The following ETV3 variants were observed in gnomAD, a reference collection of about 807,000 sequenced individuals.
ETV3 encodes the protein ETS variant transcription factor 3, also known as ETS translocation variant 3.
Under a neutral mutation model 33.0 loss-of-function variants are expected in ETV3, and 8 were observed. The observed-to-expected ratio is 0.24, with a 90% CI of 0.14 to 0.44. The LOEUF is 0.44. Among genes scored for constraint, ETV3 ranks in the 20% least tolerant of loss-of-function variants. ETV3 has a pLI of 1.00. For missense variants in ETV3, 473 were observed against 652.3 expected (o/e 0.73, Z 2.99); for synonymous variants, 222 against 238.9 (o/e 0.93, Z 0.65).
chr1:157,134,557 A>G (rs1449837085), intron 3 of ETV3, among the ~76,000 whole-genome samples: 1 of 152,208 alleles, frequency 6.6e-6, no homozygotes, highest in African/African-American at 2.4e-5. Context: ...GTTGCACTGC[A>G]TGTCACTAAC....
At chr1:157,134,523 G>T (rs932545005) in intron 3 of ETV3, among the ~76,000 whole-genome samples, 2 of 152,110 alleles carry the variant, frequency 1.3e-5, no homozygotes, top group Non-Finnish European at 2.9e-5. Context: ...CTACAATTTC[G>T]ATTCTACAGT....
intron 4 of ETV3, among the ~76,000 whole-genome samples, 153 bp from the exon 5 acceptor site, chr1:157,126,132 C>T (rs1482522632): frequency 6.6e-6 from 1 of 152,254 alleles, no homozygotes; most frequent in Non-Finnish European, 1.5e-5. Context: ...CTAGTAACTA[C>T]TGCTCAGCTG....
In ETV3 at chr1:157,125,290, C is replaced by G; in HGVS notation, c.1090G>C (p.Glu364Gln). ...GTGGGCGTGGTGACTGGTGCTGACT[C>G]CTCGCTGCTCTCAACCCTCTCCCGG... ...KNRERVESSE[E>Q]SAPVTTPTMA... The change falls in exon 5 of 5, where the codon GAG becomes CAG. Residue 364 changes from glutamate (E) to glutamine (Q), a missense_variant. This residue lies in a region of ETV3 where 410 missense variants were observed against 520.2 expected (regional missense o/e 0.79). Transcript: ENST00000368192. The surrounding 1 kb of genome is among the most constrained non-coding windows in gnomAD (Gnocchi z 4.0). The G allele has an allele frequency of 1.3e-6, 2 of 1,552,068 alleles. No homozygotes were observed. The highest frequency in any genetic ancestry group is 1.7e-6 in the Non-Finnish European group (2 of 1,147,098).
chr1:157,134,797 T>C (rs1204036624), intron 3 of ETV3, among the ~76,000 whole-genome samples: 1 of 152,224 alleles, frequency 6.6e-6, no homozygotes, highest in African/African-American at 2.4e-5. Flanking sequence ...GCAAAGCCAC[T>C]GTACAGAGTT....
intron 1 of ETV3, among the ~76,000 whole-genome samples, chr1:157,138,079 C>A (rs987338858): frequency 6.6e-6 from 1 of 152,186 alleles, no homozygotes; most frequent in Non-Finnish European, 1.5e-5. Context: ...CCGGGCCGGG[C>A]TTCCCTTAAC....
In ETV3 at chr1:157,122,622, C is replaced by A. The variant is rs919231318; in HGVS notation, c.*2219G>T. 6.6e-6 allele frequency: 1 copy of A among 152,134 alleles called. No individual in the cohort carries two copies. The highest frequency in any genetic ancestry group is 1.5e-5 in the Non-Finnish European group (1 of 68,042). 9.4% of individuals were successfully genotyped at this position (152,134 alleles called of 1,614,324 possible). On this transcript the variant is annotated 3_prime_UTR_variant, in exon 5 of 5. Transcript: ENST00000368192. ...TCGTATTTAAAAAGGCCTCGTGTTTCTATTCCTGAGTTCATACCAACACCT... is the reference window on the plus strand; with the variant it reads ...TCGTATTTAAAAAGGCCTCGTGTTTATATTCCTGAGTTCATACCAACACCT...
chr1:157,135,280 A>AAAAG, intron 3 of ETV3, 191 bp downstream of exon 3: 2 of 684,020 alleles, frequency 2.9e-6, no homozygotes, highest in Non-Finnish European at 4.9e-6. Flanking sequence ...ATAACCAAAG[A>AAAAG]TATGCCTTTT....
chr1:157,134,324 T>C, intron 3 of ETV3, 97 bp from the exon 4 acceptor site: 1 of 1,466,666 alleles, frequency 6.8e-7, no homozygotes, highest in Non-Finnish European at 9.0e-7. Context: ...TTGCTCTGAG[T>C]ATTACTTACA....
chr1:157,128,718 C>T (rs1398520340), intron 4 of ETV3: 1 of 162,686 alleles, frequency 6.1e-6, no homozygotes, highest in East Asian at 1.8e-4. Flanking sequence ...TGCCTCATGA[C>T]TTTTTTATGT....
At chr1:157,128,675 T>A in intron 4 of ETV3, 1 of 187,214 alleles carries the variant, frequency 5.3e-6, no homozygotes, top group Non-Finnish European at 1.2e-5. Context: ...TGGATAATAA[T>A]TGGACACTGC....
At chr1:157,132,070 C>G (rs964626201) in intron 4 of ETV3, among the ~76,000 whole-genome samples, 1 of 152,216 alleles carries the variant, frequency 6.6e-6, no homozygotes, top group African/African-American at 2.4e-5. Context: ...TCAAGTGATT[C>G]TCCTGCCTTG....
chr1:157,137,507 AAAACACAC>A (rs1675145471), intron 1 of ETV3, among the ~76,000 whole-genome samples: 1 of 107,518 alleles, frequency 9.3e-6, no homozygotes, highest in African/African-American at 4.5e-5. Flanking sequence ...CAGACAAGGA[AAAACACAC>A]ACACACACAC....
intron 4 of ETV3, among the ~76,000 whole-genome samples, chr1:157,128,942 A>C (rs542331659): frequency 5.3e-5 from 8 of 152,354 alleles, no homozygotes; most frequent in Admixed American, 3.9e-4. Flanking sequence ...GTAATGTTCA[A>C]CTTTTCACAA....
In ETV3 at chr1:157,135,727, A is replaced by C; in HGVS notation, c.47-19T>G. 6.2e-7 allele frequency: 1 copy of C among 1,612,788 alleles called. No individual in the cohort carries two copies. Among genetic ancestry groups the C allele is most frequent in the Non-Finnish European group, 8.5e-7 (1 of 1,178,824 alleles). The stretch of plus-strand genomic sequence containing the variant: ...TGATACCCTTTCATGTGAGAAGGTC[A>C]AGATTAAGCTAGTTAAGAGGTAGGT... On this transcript the variant is annotated intron_variant, in intron 2 of 4. Transcript: ENST00000368192.
Position 157,125,999 on chromosome 1 carries a change from A to C in ETV3, c.401-20T>G. 6.6e-7 allele frequency: 1 copy of C among 1,518,416 alleles called. No individual in the cohort carries two copies. The highest frequency in any genetic ancestry group is 8.8e-7 in the Non-Finnish European group (1 of 1,133,488). 94.1% of individuals were successfully genotyped at this position (1,518,416 alleles called of 1,614,324 possible). The stretch of plus-strand genomic sequence containing the variant: ...CCACACCTGTGATGGTGGAAAATAC[A>C]AAAGCCTGCATCAGAGGACTGCTCA... On this transcript the variant is annotated intron_variant, in intron 4 of 4. Transcript: ENST00000368192. This position sits in a 1 kb window ranked among gnomAD's most constrained non-coding sequence, Gnocchi z 4.0.
chr1:157,134,999 G>A (rs1675063918), intron 3 of ETV3: 1 of 178,532 alleles, frequency 5.6e-6, no homozygotes, highest in South Asian at 1.2e-4. Flanking sequence ...GCAGGCTATG[G>A]ACAACCTGAG....
chr1:157,125,565 G>A lies in ETV3; in HGVS notation c.815C>T (p.Thr272Ile), dbSNP rs935325741. Residue 272 changes from threonine (T) to isoleucine (I), a missense_variant, in exon 5 of 5, where the codon ACC becomes ATC. Thr to Ile is a moderately conservative substitution (Grantham distance 89, BLOSUM62 -1). This residue lies in a region of ETV3 where 410 missense variants were observed against 520.2 expected (regional missense o/e 0.79). Transcript: ENST00000368192. This position sits in a 1 kb window ranked among gnomAD's most constrained non-coding sequence, Gnocchi z 4.0. ...PISPALSLTPTIFSYSPSPGL... is the reference protein window; with the variant it reads ...PISPALSLTPIIFSYSPSPGL... ...TGGTGATGGGCTATAGGAGAAGATG[G>A]TGGGAGTCAGGGAGAGGGCTGGTGA... is the stretch of plus-strand genomic sequence containing the variant. 2 of 1,551,814 alleles carry A rather than the reference G, an allele frequency of 1.3e-6. No individual in the cohort carries two copies. The highest frequency in any genetic ancestry group is 1.7e-6 in the Non-Finnish European group (2 of 1,147,056).
At chr1:157,137,476 T>C (rs1046475548) in intron 1 of ETV3, among the ~76,000 whole-genome samples, 24 of 149,650 alleles carry the variant, frequency 1.6e-4, no homozygotes, top group Admixed American at 6.7e-4. Flanking sequence ...GAGGACAAGA[T>C]AAACACCCCA....
Position 157,124,239 on chromosome 1 carries a change from A to T in ETV3, c.*602T>A, listed in dbSNP as rs1486159567. 8.1e-4 allele frequency: 1 copy of T among 1,242 alleles called. No individual in the cohort carries two copies. The highest frequency in any genetic ancestry group is 2.6e-3 in the Non-Finnish European group (1 of 390). The allele number at this position is 1,242 out of a possible 1,614,324, so 0.1% of individuals were successfully genotyped here. ...AAAAAAATGCCAAACAACACCAACC[A>T]AAAAAAAAAAAAAAAAAAAAAGAAG... is the stretch of plus-strand genomic sequence containing the variant. On this transcript the variant is annotated 3_prime_UTR_variant, in exon 5 of 5. Coordinates refer to ENST00000368192, the MANE Select transcript of ETV3 (RefSeq NM_001145312.3).
Sources: gnomAD v4.1 joint callset for allele counts (sites outside exome capture counted in the v4.1 genomes callset) on GRCh38, gnomAD v4.1.1 for gene constraint, gnomAD v4.1.1 regional missense constraint, Gnocchi (gnomAD v3.1) non-coding constraint, MANE v1.5 for transcripts, NCBI Gene and HGNC (gene_info 2026-07-23, HGNC 2026-07-21) for gene names.